The following MAPK7 variants were observed in gnomAD, a reference collection of about 807,000 sequenced individuals.
MAPK7 encodes BMK-1.
Under a neutral mutation model 56.9 loss-of-function variants are expected in MAPK7, and 30 were observed. The ratio of observed to expected loss-of-function variants is 0.53; its 90% CI spans 0.39 to 0.72. The LOEUF is 0.72. Ranked by LOEUF, MAPK7 falls within the 30% of genes least tolerant of loss-of-function variation. The probability of loss-of-function intolerance (pLI) is 0.00; values close to 1 mark genes in which losing one functional copy is unlikely to be tolerated. For synonymous variants in MAPK7, 516 were observed against 449.3 expected, an observed-to-expected ratio of 1.15 and a Z score of -1.88; for missense variants, 952 against 1,110.8, an observed-to-expected ratio of 0.86 and a Z score of 2.03.
Position 19,382,847 on chromosome 17 carries a change from C to A in MAPK7, c.2198C>A (p.Thr733Lys). The A allele has an allele frequency of 1.2e-6, 2 of 1,614,214 alleles. No homozygotes were observed. Among genetic ancestry groups the A allele is most frequent in the Non-Finnish European group, 1.7e-6 (2 of 1,180,034 alleles). ...CCCCTGCCCCCTGTGTTCTCAGGCA[C>A]ACCAAAGGGCAGTGGGGCTGGCTAC... Reference protein sequence around the residue: ...EDPLPPVFSGTPKGSGAGYGV... With the variant: ...EDPLPPVFSGKPKGSGAGYGV... The change falls in exon 6 of 7, where the codon ACA (threonine) becomes AAA (lysine). Residue 733 changes from threonine (T) to lysine (K), a missense_variant. By Grantham distance (78) the Thr-to-Lys change is moderately conservative. Around this residue, in one of 5 missense-constraint regions of MAPK7, gnomAD observed 234 missense variants for 210.4 expected, o/e 1.11. Transcript: ENST00000395604.
At position 19,382,221 on chromosome 17, in the gene MAPK7, C is replaced by T. The variant is rs1439529086; in HGVS notation, c.1918C>T (p.Pro640Ser). The T allele has an allele frequency of 1.6e-5, 26 of 1,610,904 alleles. No homozygotes were observed. The Admixed American group carries it at 3.7e-4, about 23-fold the overall frequency. Residue 640 changes from proline (P) to serine (S), a missense_variant, in exon 5 of 7, where the codon CCC becomes TCC. By Grantham distance (74) the Pro-to-Ser change is moderately conservative. This residue lies in a region of MAPK7 where 234 missense variants were observed against 210.4 expected (regional missense o/e 1.11). Transcript: ENST00000395604. Reference sequence around the variant, plus strand: ...TGCCTGCCCACCCCCTGGCCCTGCACCCCACCCCACTGGCCCTCCTGGGCC... The same window carrying T: ...TGCCTGCCCACCCCCTGGCCCTGCATCCCACCCCACTGGCCCTCCTGGGCC... ...QPACPPPGPA[P>S]HPTGPPGPIP...
chr17:19,380,480 T>G, intron 3 of MAPK7, 128 bp from the exon 4 acceptor site: 2 of 1,459,288 alleles, frequency 1.4e-6, no homozygotes, highest in Non-Finnish European at 1.8e-6. Context: ...TACCATGCCG[T>G]CAGCCCCTAT....
Position 19,381,778 on chromosome 17 carries a change from C to T in MAPK7, c.1478-3C>T. 3 of 1,538,958 alleles carry T rather than the reference C, an allele frequency of 1.9e-6. No homozygotes were observed. The highest frequency in any genetic ancestry group is 2.6e-6 in the Non-Finnish European group (3 of 1,146,060). On this transcript the variant is annotated splice_polypyrimidine_tract_variant and splice_region_variant and intron_variant, in intron 4 of 6. Transcript: ENST00000395604. This position sits in a 1 kb window ranked among gnomAD's most constrained non-coding sequence, Gnocchi z 4.6. ...CCTTCTCCCCTGCCCAACTTCCCCGCAGATGGCCCCAGCGCACCCCTGGAG... is the reference window on the plus strand; with the variant it reads ...CCTTCTCCCCTGCCCAACTTCCCCGTAGATGGCCCCAGCGCACCCCTGGAG...
chr17:19,382,329 C>T lies in MAPK7; in HGVS notation c.2026C>T (p.Pro676Ser). The T allele has an allele frequency of 3.1e-6, 5 of 1,613,376 alleles. No homozygotes were observed. The highest frequency in any genetic ancestry group is 2.2e-5 in the South Asian group (2 of 91,088). The change falls in exon 5 of 7, where the codon CCT becomes TCT. Residue 676 changes from proline to serine, a missense_variant. Coordinates refer to ENST00000395604, the MANE Select transcript of MAPK7 (RefSeq NM_002749.4). ...GTCACTTGTGCCACCCCCTGGGCTG[C>T]CTGGCTCCAGCACCCCAGGAGTTTT... is the stretch of plus-strand genomic sequence containing the variant. The part of the protein sequence containing the change: ...AQSLVPPPGL[P>S]GSSTPGVLPY...
rs1332857077 is a variant in MAPK7, at chr17:19,382,087, C to T, written c.1784C>T (p.Pro595Leu). Residue 595 changes from proline to leucine, a missense_variant, in exon 5 of 7, where the codon CCA becomes CTA. Transcript: ENST00000395604. ...SVPAPAPAPT[P>L]TPTPVQPTSP... The stretch of plus-strand genomic sequence containing the variant: ...CCGGCCCCTGCCCCAGCGCCAACGC[C>T]AACCCCAACCCCAGTCCAACCTACC... The T allele has an allele frequency of 6.2e-7, 1 of 1,607,892 alleles. No individual in the cohort carries two copies. Among genetic ancestry groups the T allele is most frequent in the Non-Finnish European group, 8.5e-7 (1 of 1,177,776 alleles).
In MAPK7 at chr17:19,381,447, G is replaced by A. The variant is rs527796521; in HGVS notation, c.1238G>A (p.Gly413Asp). The A allele has an allele frequency of 1.2e-6, 2 of 1,614,100 alleles. No individual in the cohort carries two copies. Among genetic ancestry groups the A allele is most frequent in the Admixed American group, 3.3e-5 (2 of 60,032 alleles). Residue 413 changes from glycine to aspartate, a missense_variant, in exon 4 of 7, where the codon GGC becomes GAC. Physicochemically the swap from Gly to Asp is moderately conservative, Grantham distance 94. Coordinates refer to ENST00000395604, the MANE Select transcript of MAPK7 (RefSeq NM_002749.4). The surrounding 1 kb of genome is among the most constrained non-coding windows in gnomAD (Gnocchi z 4.6). ...PSLQPVASEPGCPDVEMPSPW... is the reference protein window; with the variant it reads ...PSLQPVASEPDCPDVEMPSPW... ...CTACAGCCTGTGGCTAGTGAGCCTG[G>A]CTGTCCAGATGTTGAAATGCCCAGT...
chr17:19,379,348 T>G (rs1316068102), intron 2 of MAPK7: 2 of 597,986 alleles, frequency 3.3e-6, no homozygotes, highest in Non-Finnish European at 5.9e-6. Context: ...TACTTCCTCC[T>G]TAGGAAAATG....
rs1252169433 is a variant in MAPK7, at chr17:19,381,971, G to A, written c.1668G>A (p.Leu556=). ...CTGGGGGCCCCTCCACTGACCCCTTGGCTGGACTAGTGCTCAGTGACAATG... is the reference window on the plus strand; with the variant it reads ...CTGGGGGCCCCTCCACTGACCCCTTAGCTGGACTAGTGCTCAGTGACAATG... ...GASGGPSTDP[L]AGLVLSDNDR... The change falls in exon 5 of 7, where the codon TTG becomes TTA. Residue 556 remains leucine, a synonymous_variant. Coordinates refer to ENST00000395604, the MANE Select transcript of MAPK7 (RefSeq NM_002749.4). This position sits in a 1 kb window ranked among gnomAD's most constrained non-coding sequence, Gnocchi z 4.6. 2.6e-6 allele frequency: 4 copies of A among 1,551,840 alleles called. No homozygotes were observed. In the East Asian group the frequency reaches 9.8e-5, roughly 38 times the overall value.
chr17:19,380,734 G>T lies in MAPK7; in HGVS notation c.525G>T (p.Ser175=). The change falls in exon 4 of 7, where the codon TCG becomes TCT. Residue 175 remains serine, a synonymous_variant. Coordinates refer to ENST00000395604, the MANE Select transcript of MAPK7 (RefSeq NM_002749.4). ...QLLRGLKYMH[S]AQVIHRDLKP... is the part of the protein sequence containing the mutation. ...TGCGGGGCCTGAAGTACATGCACTC[G>T]GCTCAGGTCATCCACCGTGACCTGA... is the stretch of plus-strand genomic sequence containing the variant. The T allele has an allele frequency of 6.2e-7, 1 of 1,614,114 alleles. No individual in the cohort carries two copies. Among genetic ancestry groups the T allele is most frequent in the Non-Finnish European group, 8.5e-7 (1 of 1,180,028 alleles).
intron 5 of MAPK7, 61 bp from the exon 6 acceptor site, chr17:19,382,752 T>A: frequency 1.9e-6 from 3 of 1,588,886 alleles, no homozygotes; most frequent in Non-Finnish European, 2.6e-6. Flanking sequence ...GTCAGCAGCA[T>A]TGGGACAGGG....
At position 19,382,093 on chromosome 17, in the gene MAPK7, C is replaced by G; in HGVS notation, c.1790C>G (p.Pro597Arg). 6.2e-7 allele frequency: 1 copy of G among 1,610,196 alleles called. No homozygotes were observed. The highest frequency in any genetic ancestry group is 8.5e-7 in the Non-Finnish European group (1 of 1,178,744). The change falls in exon 5 of 7, where the codon CCA (proline) becomes CGA (arginine). Residue 597 changes from proline (P) to arginine (R), a missense_variant. Pro to Arg is a moderately radical substitution (Grantham distance 103). This residue lies in a region of MAPK7 where 234 missense variants were observed against 210.4 expected (regional missense o/e 1.11). Coordinates refer to ENST00000395604, the MANE Select transcript of MAPK7 (RefSeq NM_002749.4). ...CCTGCCCCAGCGCCAACGCCAACCC[C>G]AACCCCAGTCCAACCTACCAGTCCT... ...PAPAPAPTPTPTPVQPTSPPP... is the reference protein window; with the variant it reads ...PAPAPAPTPTRTPVQPTSPPP...
chr17:19,382,849 C>G lies in MAPK7; in HGVS notation c.2200C>G (p.Pro734Ala). Residue 734 changes from proline to alanine, a missense_variant, in exon 6 of 7, where the codon CCA (proline) becomes GCA (alanine). Coordinates refer to ENST00000395604, the MANE Select transcript of MAPK7 (RefSeq NM_002749.4). ...CCTGCCCCCTGTGTTCTCAGGCACA[C>G]CAAAGGGCAGTGGGGCTGGCTACGG... Reference protein sequence around the residue: ...DPLPPVFSGTPKGSGAGYGVG... With the variant: ...DPLPPVFSGTAKGSGAGYGVG... 6.2e-7 allele frequency: 1 copy of G among 1,614,232 alleles called. No homozygotes were observed. Among genetic ancestry groups the G allele is most frequent in the Non-Finnish European group, 8.5e-7 (1 of 1,180,030 alleles).
chr17:19,378,311 G>T (rs1912274147), upstream of MAPK7: 1 of 987,768 alleles, frequency 1.0e-6, no homozygotes, highest in African/African-American at 1.7e-5. The surrounding 1 kb of genome is among the most constrained non-coding windows in gnomAD (Gnocchi z 5.4). Flanking sequence ...GAAGTGCCGG[G>T]CACCCTTTGG....
Position 19,380,750 on chromosome 17 carries a change from C to T in MAPK7, c.541C>T (p.Arg181Cys), listed in dbSNP as rs892436061. Residue 181 changes from arginine (R) to cysteine (C), a missense_variant, in exon 4 of 7, where the codon CGT (arginine) becomes TGT (cysteine). Arg to Cys is a radical substitution (Grantham distance 180). Transcript: ENST00000395604. ...KYMHSAQVIH[R>C]DLKPSNLLVN... is the part of the protein sequence containing the mutation. ...CATGCACTCGGCTCAGGTCATCCAC[C>T]GTGACCTGAAGCCCTCCAACCTATT... The T allele has an allele frequency of 6.2e-6, 10 of 1,614,162 alleles. No homozygotes were observed. The highest frequency in any genetic ancestry group is 2.2e-5 in the East Asian group (1 of 44,880).
At position 19,379,764 on chromosome 17, in the gene MAPK7, C is replaced by G. The variant is rs754426618; in HGVS notation, c.233-18C>G. 1.2e-6 allele frequency: 2 copies of G among 1,612,504 alleles called. No homozygotes were observed. Among genetic ancestry groups the G allele is most frequent in the African/African-American group, 1.3e-5 (1 of 74,890 alleles). The stretch of plus-strand genomic sequence containing the variant: ...CTCCAAGGTATCCTCTGGTATGTCC[C>G]TTTTCCCTGCTCCTCAGGCCAGCAG... On this transcript the variant is annotated intron_variant, in intron 2 of 6. Coordinates refer to ENST00000395604, the MANE Select transcript of MAPK7 (RefSeq NM_002749.4).
In MAPK7 at chr17:19,381,161, C is replaced by T. The variant is rs370959187; in HGVS notation, c.952C>T (p.Arg318Cys). Residue 318 changes from arginine to cysteine, a missense_variant, in exon 4 of 7, where the codon CGC becomes TGC. Arg to Cys is a radical substitution (Grantham distance 180). Coordinates refer to ENST00000395604, the MANE Select transcript of MAPK7 (RefSeq NM_002749.4). This position sits in a 1 kb window ranked among gnomAD's most constrained non-coding sequence, Gnocchi z 4.6. ...PWETVYPGAD[R>C]QALSLLGRML... The stretch of plus-strand genomic sequence containing the variant: ...GGAGACAGTGTACCCAGGTGCCGAC[C>T]GCCAGGCCCTATCACTGCTGGGTCG... 61 of 1,613,998 alleles carry T rather than the reference C, an allele frequency of 3.8e-5. No individual in the cohort carries two copies. Among genetic ancestry groups the T allele is most frequent in the African/African-American group, 5.3e-5 (4 of 74,948 alleles).
upstream of MAPK7, chr17:19,378,409 G>A (rs1912283779): frequency 2.0e-6 from 2 of 994,586 alleles, no homozygotes; most frequent in East Asian, 1.1e-4. The surrounding 1 kb of genome is among the most constrained non-coding windows in gnomAD (Gnocchi z 5.4). Context: ...GTAGGTAGAA[G>A]GGGCAGGACC....
At chr17:19,380,442 G>T in intron 3 of MAPK7, 166 bp from the exon 4 acceptor site, 1 of 1,410,686 alleles carries the variant, frequency 7.1e-7, no homozygotes, top group South Asian at 1.6e-5. Flanking sequence ...AAGTCGTAGA[G>T]AATCTAAAAC....
Position 19,378,498 on chromosome 17 carries a change from A to C in MAPK7, c.-138A>C. On this transcript the variant is annotated 5_prime_UTR_variant, in exon 1 of 7. Coordinates refer to ENST00000395604, the MANE Select transcript of MAPK7 (RefSeq NM_002749.4). The surrounding 1 kb of genome is among the most constrained non-coding windows in gnomAD (Gnocchi z 5.4). ...GGAGGCGGGGCGGAGGGGGACGGAC[A>C]GGGCAGCTCAAGACGCTGAGGTGGT... 1 of 1,063,418 alleles carries C rather than the reference A, an allele frequency of 9.4e-7. No homozygotes were observed. 65.9% of individuals were successfully genotyped at this position (1,063,418 alleles called of 1,614,324 possible).
Sources: gnomAD v4.1 joint callset for allele counts on GRCh38, gnomAD v4.1.1 for gene constraint, gnomAD v4.1.1 regional missense constraint, Gnocchi (gnomAD v3.1) non-coding constraint, MANE v1.5 for transcripts, NCBI Gene and HGNC (gene_info 2026-07-23, HGNC 2026-07-21) for gene names.